Variants in WDFY4 observed in about 807,000 individuals in gnomAD.
WDFY4 encodes the protein WDFY family member 4, also known as WD repeat- and FYVE domain-containing protein 4.
WDFY4 carries 169 observed loss-of-function variants against 351.9 expected under a neutral mutation model. That is an observed-to-expected ratio of 0.48 (90% CI 0.42 to 0.55). The LOEUF (loss-of-function observed/expected upper bound fraction) is 0.55. WDFY4 is among the 20% of genes least tolerant of loss of function. WDFY4 has a pLI of 0.00. For synonymous variants in WDFY4, 1,622 were observed against 1,574.6 expected (o/e 1.03, Z -0.71); for missense variants, 3,803 against 3,935.6 (o/e 0.97, Z 0.90).
At chr10:48,856,295 T>C (rs376655040) in intron 39 of WDFY4, among the ~76,000 whole-genome samples, 22 of 152,146 alleles carry the variant, frequency 1.4e-4, no homozygotes, top group African/African-American at 3.9e-4. Flanking sequence ...CAACAGAATA[T>C]GAAAAGTTGA....
rs1216366256 is a variant in WDFY4 at position 48,796,399 on chromosome 10, A to G, written c.4359A>G (p.Ser1453=). ...GCACTGTGGAGCTGGGCTTCAGGTC[A>G]TCTGCTATCACCAACACTGGTGTCT... is the stretch of plus-strand genomic sequence containing the variant. The part of the protein sequence containing the change: ...VAGTVELGFR[S]SAITNTGVFQ... The change falls in exon 24 of 62, where the codon TCA becomes TCG. Residue 1453 remains serine (S), a synonymous_variant. Coordinates refer to ENST00000325239, the MANE Select transcript of WDFY4 (RefSeq NM_001394531.1). The G allele has an allele frequency of 2.2e-5, 34 of 1,552,038 alleles. No homozygotes were observed. The highest frequency in any genetic ancestry group is 1.2e-4 in the Admixed American group (6 of 50,998).
intron 11 of WDFY4, among the ~76,000 whole-genome samples, chr10:48,737,339 AT>A (rs2064704714): frequency 6.6e-6 from 1 of 152,028 alleles, no homozygotes; most frequent in Non-Finnish European, 1.5e-5. Context: ...AACATGATAT[AT>A]TTGATTGTTG....
At chr10:48,980,578 A>T (rs1478815710) in intron 60 of WDFY4, among the ~76,000 whole-genome samples, 1 of 152,218 alleles carries the variant, frequency 6.6e-6, no homozygotes, top group Non-Finnish European at 1.5e-5. Flanking sequence ...TCTGGTACAT[A>T]AAAAGTGCTT....
intron 40 of WDFY4, among the ~76,000 whole-genome samples, chr10:48,871,452 T>G (rs1188962851): frequency 6.6e-6 from 1 of 151,500 alleles, no homozygotes; most frequent in Non-Finnish European, 1.5e-5. Flanking sequence ...GGATAGTCAT[T>G]ATTTTTCTGG....
intron 41 of WDFY4, 97 bp downstream of exon 41, chr10:48,873,794 C>A: frequency 1.5e-6 from 2 of 1,330,680 alleles, no homozygotes; most frequent in Non-Finnish European, 2.0e-6. Context: ...TTATATCAGG[C>A]TAAGATAACA....
chr10:48,810,597 C>T lies in WDFY4; in HGVS notation c.4906C>T (p.His1636Tyr). ...WFLLLLQGHL[H>Y]ASTTVLALKL... ...CCTGCTGCTCCTGCAGGGCCACCTGCATGCCAGCACCACTGTGCTGGCATT... is the reference window on the plus strand; with the variant it reads ...CCTGCTGCTCCTGCAGGGCCACCTGTATGCCAGCACCACTGTGCTGGCATT... Residue 1636 changes from histidine to tyrosine, a missense_variant, in exon 29 of 62, where the codon CAT becomes TAT. Physicochemically the swap from His to Tyr is moderately conservative, Grantham distance 83. Around this residue, in one of 3 missense-constraint regions of WDFY4, gnomAD observed 3,054 missense variants for 3,148.6 expected, o/e 0.97. Coordinates refer to ENST00000325239, the MANE Select transcript of WDFY4 (RefSeq NM_001394531.1). 1.3e-6 allele frequency: 2 copies of T among 1,551,702 alleles called. No individual in the cohort carries two copies. Among genetic ancestry groups the T allele is most frequent in the Non-Finnish European group, 1.7e-6 (2 of 1,146,990 alleles).
chr10:48,874,402 A>G (rs981589587), intron 41 of WDFY4, among the ~76,000 whole-genome samples: 1 of 152,218 alleles, frequency 6.6e-6, no homozygotes, highest in African/African-American at 2.4e-5. Context: ...ATATCCTCAA[A>G]GGCGGCCTTC....
At chr10:48,739,632 C>T (rs1589494988) in intron 11 of WDFY4, among the ~76,000 whole-genome samples, 1 of 152,268 alleles carries the variant, frequency 6.6e-6, no homozygotes, top group South Asian at 2.1e-4. Context: ...GAAATTAACC[C>T]CATCCCAAGA....
chr10:48,901,112 C>T (rs1837329174), intron 46 of WDFY4, among the ~76,000 whole-genome samples: 2 of 152,206 alleles, frequency 1.3e-5, no homozygotes, highest in Admixed American at 1.3e-4. Flanking sequence ...ACTACTGCAT[C>T]CAAGAGGCAG....
chr10:48,872,470 G>T (rs905180335), intron 40 of WDFY4, among the ~76,000 whole-genome samples: 2 of 152,186 alleles, frequency 1.3e-5, no homozygotes, highest in Non-Finnish European at 2.9e-5. Flanking sequence ...AGATAAAGCA[G>T]GTGCAGGGCT....
intron 19 of WDFY4, among the ~76,000 whole-genome samples, chr10:48,783,073 G>A (rs1376266863): frequency 6.6e-6 from 1 of 152,086 alleles, no homozygotes; most frequent in Non-Finnish European, 1.5e-5. Context: ...CACTTAATTG[G>A]TAGAGTGAAA....
chr10:48,974,519 A>AAAAAACAAC lies in WDFY4; in HGVS notation c.8929-338_8929-337insCAACAAAAA, dbSNP rs1554824243. The stretch of plus-strand genomic sequence containing the variant: ...CTCCGTCTCAAAAAAAAAAAAAAAA[A>AAAAAACAAC]AAAAAAAAAACAACTCATGACATGA... On this transcript the variant is annotated intron_variant, in intron 57 of 61. Coordinates refer to ENST00000325239, the MANE Select transcript of WDFY4 (RefSeq NM_001394531.1). Among the ~76,000 whole-genome samples, 2 of 49,924 alleles carry AAAAAACAAC rather than the reference A, an allele frequency of 4.0e-5. 1 individual carries two copies. Among genetic ancestry groups the AAAAAACAAC allele is most frequent in the African/African-American group, 1.4e-4 (2 of 14,214 alleles). 32.8% of individuals were successfully genotyped at this position (49,924 alleles called of 152,430 possible). A position where few individuals can be genotyped will look rare whatever the true frequency, so the allele number is the denominator to read the frequency against.
In WDFY4 at chr10:48,897,483, G is replaced by T. The variant is rs1358818154; in HGVS notation, c.7346G>T (p.Cys2449Phe). The T allele has an allele frequency of 6.4e-7, 1 of 1,551,678 alleles. No homozygotes were observed. The change falls in exon 45 of 62, where the codon TGC becomes TTC. Residue 2449 changes from cysteine to phenylalanine, a missense_variant. Coordinates refer to ENST00000325239, the MANE Select transcript of WDFY4 (RefSeq NM_001394531.1). ...AGCGATCCGTTCATTTTCAACCTGT[G>T]CAGCAAAGACAGGTCCACTGACCAT... ...NISDPFIFNLCSKDRSTDHYS... is the reference protein window; with the variant it reads ...NISDPFIFNLFSKDRSTDHYS...
At chr10:48,764,478 T>A (rs1259137365) in intron 13 of WDFY4, among the ~76,000 whole-genome samples, 2 of 152,232 alleles carry the variant, frequency 1.3e-5, no homozygotes, top group Non-Finnish European at 2.9e-5. Context: ...AAAGATACTT[T>A]CCCTTTCTAG....
At chr10:48,803,584 A>G (rs969016959) in intron 25 of WDFY4, among the ~76,000 whole-genome samples, 3 of 152,100 alleles carry the variant, frequency 2.0e-5, no homozygotes, top group Non-Finnish European at 2.9e-5. Context: ...AGCCCCAGGG[A>G]CTAGCACATA....
At chr10:48,727,753 C>T (rs1341813483) in intron 7 of WDFY4, 94 bp downstream of exon 7, 2 of 1,426,508 alleles carry the variant, frequency 1.4e-6, no homozygotes, top group Non-Finnish European at 1.9e-6. Context: ...ATAGATATAG[C>T]TCCATAGAAC....
chr10:48,719,989 C>A, intron 2 of WDFY4, 22 bp from the exon 3 acceptor site: 2 of 1,548,762 alleles, frequency 1.3e-6, no homozygotes. Flanking sequence ...TATCTCTGAC[C>A]AAGTCCCATC....
At chr10:48,913,350 C>A in intron 47 of WDFY4, 1 of 1,578,870 alleles carries the variant, frequency 6.3e-7, no homozygotes, top group Admixed American at 1.7e-5. Context: ...TCTTCCCTCC[C>A]TCTCTCTTTC....
chr10:48,972,052 G>A (rs75905438), intron 57 of WDFY4, among the ~76,000 whole-genome samples: 2,904 of 152,192 alleles, frequency 0.019, 45 homozygotes, highest in South Asian at 0.078. Flanking sequence ...AAACACCCTC[G>A]TATCGACCTC....
Sources: allele counts gnomAD v4.1 joint callset (sites outside exome capture counted in the v4.1 genomes callset), GRCh38; gene constraint gnomAD v4.1.1; regional missense constraint gnomAD v4.1.1; transcripts MANE v1.5; gene names NCBI Gene and HGNC (gene_info 2026-07-23, HGNC 2026-07-21).